Variants in PTK2 observed in about 807,000 individuals in gnomAD.
PTK2 encodes protein tyrosine kinase 2, also known as focal adhesion kinase 1.
Under a neutral mutation model 150.1 loss-of-function variants are expected in PTK2, and 45 were observed. The ratio of observed to expected loss-of-function variants is 0.30; its 90% CI spans 0.24 to 0.38. The LOEUF (loss-of-function observed/expected upper bound fraction) is 0.38. Among genes scored for constraint, PTK2 ranks in the 10% least tolerant of loss-of-function variants. PTK2 has a pLI of 1.00. For synonymous variants in PTK2, 432 were observed against 449.2 expected (o/e 0.96, Z 0.48); for missense variants, 919 against 1,307.3 (o/e 0.70, Z 4.58).
chr8:140,717,816 A>T, intron 22 of PTK2, 107 bp from the exon 26 acceptor site: 1 of 822,904 alleles, frequency 1.2e-6, no homozygotes. Flanking sequence ...ACAGTAGATG[A>T]TAACAATAAA....
intron 1 of PTK2, among the ~76,000 whole-genome samples, chr8:140,928,543 T>C (rs1299867071): frequency 1.3e-5 from 2 of 152,120 alleles, no homozygotes; most frequent in Non-Finnish European, 1.5e-5. Context: ...AGCCAAAAGG[T>C]AGAAGTAACC....
intron 1 of PTK2, among the ~76,000 whole-genome samples, chr8:140,972,465 A>G (rs564027877): frequency 5.3e-5 from 8 of 152,284 alleles, no homozygotes; most frequent in African/African-American, 1.7e-4. Flanking sequence ...GGGTTTCACC[A>G]TGTTGGCCAG....
At chr8:140,729,103 C>A (rs1189590128) in intron 22 of PTK2, among the ~76,000 whole-genome samples, 1 of 152,114 alleles carries the variant, frequency 6.6e-6, no homozygotes, top group Non-Finnish European at 1.5e-5. Flanking sequence ...TCTGTCTGCA[C>A]CCATGCTGAG....
At chr8:140,995,632 T>C (rs1268306670) in intron 1 of PTK2, among the ~76,000 whole-genome samples, 2 of 151,028 alleles carry the variant, frequency 1.3e-5, no homozygotes, top group Non-Finnish European at 2.9e-5. Context: ...CAAAACCCCG[T>C]CTCTACTAAA....
At chr8:140,932,332 A>C (rs2100172125) in intron 1 of PTK2, among the ~76,000 whole-genome samples, 1 of 152,112 alleles carries the variant, frequency 6.6e-6, no homozygotes, top group African/African-American at 2.4e-5. Context: ...CTCATGTCTC[A>C]GCCTCCCAAG....
chr8:140,882,159 CATT>C (rs2100149513), intron 3 of PTK2, among the ~76,000 whole-genome samples: 2 of 152,184 alleles, frequency 1.3e-5, no homozygotes, highest in Admixed American at 6.5e-5. Context: ...TAGTGGCAAA[CATT>C]ATAAATATAC....
exon 32 of PTK2, chr8:140,658,219 C>T (rs567610758): frequency 3.8e-5 from 6 of 155,886 alleles, no homozygotes; most frequent in South Asian, 4.1e-4. Flanking sequence ...ACTTACGCCA[C>T]GCTACCCTTC....
chr8:140,660,425 T>A (rs1418157188), intron 31 of PTK2, among the ~76,000 whole-genome samples: 5 of 152,252 alleles, frequency 3.3e-5, no homozygotes, highest in African/African-American at 9.6e-5. Flanking sequence ...ATACAAAAAA[T>A]GGTTTAAGGA....
In PTK2 at chr8:140,865,314, T is replaced by A. The variant is rs545855643; in HGVS notation, c.363-915A>T. 2.6e-5 allele frequency among the ~76,000 whole-genome samples: 4 copies of A among 152,362 alleles called. No homozygotes were observed. In the South Asian group the frequency reaches 6.2e-4, roughly 24 times the overall value. Reference sequence around the variant, plus strand: ...CCTGGTCTCAAGGGATCCTTCCACCTTGGCCTCCCAAAGTGCTGGGATTAT... The same window carrying A: ...CCTGGTCTCAAGGGATCCTTCCACCATGGCCTCCCAAAGTGCTGGGATTAT... On this transcript the variant is annotated intron_variant, in intron 4 of 31. Transcript: ENST00000522684.
chr8:140,797,142 T>G (rs555722500), intron 12 of PTK2, among the ~76,000 whole-genome samples: 1 of 151,772 alleles, frequency 6.6e-6, no homozygotes, highest in East Asian at 1.9e-4. Flanking sequence ...CATGAGTCAT[T>G]CTGGCATTCT....
At chr8:140,980,198 G>A (rs959967496) in intron 1 of PTK2, among the ~76,000 whole-genome samples, 3 of 152,170 alleles carry the variant, frequency 2.0e-5, no homozygotes, top group Non-Finnish European at 2.9e-5. Flanking sequence ...TCAATTGTAG[G>A]CTAGATTACA....
rs575114138 is a variant in PTK2, at chr8:140,861,572, C to A, written c.450+2740G>T. The stretch of plus-strand genomic sequence containing the variant: ...CACTTGTATGGTGATATGCAAATGG[C>A]AAATGCTGAATCCTCTAAGTCTGTT... On this transcript the variant is annotated intron_variant, in intron 5 of 31. Coordinates refer to ENST00000522684, the Ensembl canonical transcript of PTK2. Among the ~76,000 whole-genome samples the A allele has an allele frequency of 5.2e-4, 79 of 152,210 alleles. 4 individuals are homozygous for A. The South Asian group carries it at 0.015, about 29-fold the overall frequency.
chr8:140,659,386 C>G, exon 32 of PTK2: 1 of 1,300,340 alleles, frequency 7.7e-7, no homozygotes, highest in Admixed American at 2.2e-5. Flanking sequence ...ACTGAGGACA[C>G]AGGGTTAATT....
intron 25 of PTK2, among the ~76,000 whole-genome samples, chr8:140,702,060 G>A (rs748488713): frequency 2.1e-5 from 3 of 144,736 alleles, no homozygotes; most frequent in African/African-American, 7.7e-5. Context: ...CGTGGGAGGC[G>A]GAGGTTGCAG....
chr8:140,778,893 G>C (rs1411544637), intron 14 of PTK2, among the ~76,000 whole-genome samples: 1 of 152,086 alleles, frequency 6.6e-6, no homozygotes, highest in African/African-American at 2.4e-5. Context: ...TTATAGGAGA[G>C]TTATAGTTGT....
intron 7 of PTK2, among the ~76,000 whole-genome samples, chr8:140,835,226 A>C (rs1481808315): frequency 6.6e-6 from 1 of 152,210 alleles, no homozygotes; most frequent in Non-Finnish European, 1.5e-5. Context: ...CTTTCTTTAC[A>C]TATTAAAAAG....
chr8:140,831,502 T>A (rs573751247), intron 7 of PTK2, among the ~76,000 whole-genome samples: 24 of 152,354 alleles, frequency 1.6e-4, no homozygotes, highest in Non-Finnish European at 3.1e-4. Flanking sequence ...ACCAGAGACA[T>A]CATGTCAGTT....
At chr8:140,761,123 G>T in intron 16 of PTK2, 42 bp downstream of exon 19, 1 of 1,341,584 alleles carries the variant, frequency 7.5e-7, no homozygotes. Flanking sequence ...AACTTAAATA[G>T]TCAAAATTAG....
chr8:140,958,434 C>A (rs1397277738), intron 1 of PTK2, among the ~76,000 whole-genome samples: 3 of 152,136 alleles, frequency 2.0e-5, no homozygotes, highest in Non-Finnish European at 4.4e-5. Flanking sequence ...AGCCACCATG[C>A]CAAGCCTAAT....
Sources: gnomAD v4.1 joint callset for allele counts (sites outside exome capture counted in the v4.1 genomes callset) on GRCh38, gnomAD v4.1.1 for gene constraint, MANE v1.5 for transcripts, NCBI Gene and HGNC (gene_info 2026-07-23, HGNC 2026-07-21) for gene names.